The following SH3PXD2B variants were observed in gnomAD, a reference collection of about 807,000 sequenced individuals.
SH3PXD2B encodes SH3 and PX domains 2B, also known as SH3 and PX domain-containing protein 2B.
SH3PXD2B carries 37 observed loss-of-function variants against 73.1 expected under a neutral mutation model. The observed-to-expected ratio is 0.51, with a 90% confidence interval of 0.39 to 0.67. The LOEUF (loss-of-function observed/expected upper bound fraction) is 0.67. SH3PXD2B is among the 30% of genes least tolerant of loss of function. SH3PXD2B has a pLI of 0.00. For missense variants in SH3PXD2B, 1,053 were observed against 1,197.8 expected, an observed-to-expected ratio of 0.88 and a Z score of 1.78; for synonymous variants, 457 against 480.5, an observed-to-expected ratio of 0.95 and a Z score of 0.64.
chr5:172,407,875 G>C (rs1157728743), intron 2 of SH3PXD2B, among the ~76,000 whole-genome samples: 1 of 152,228 alleles, frequency 6.6e-6, no homozygotes, highest in Non-Finnish European at 1.5e-5. Flanking sequence ...GGACCTGACT[G>C]TCCAGGAAAC....
At chr5:172,394,425 T>C in intron 4 of SH3PXD2B, 138 bp downstream of exon 4, 1 of 832,546 alleles carries the variant, frequency 1.2e-6, no homozygotes, top group Non-Finnish European at 2.0e-6. Flanking sequence ...TGAATGATAA[T>C]GAATGATTTT....
chr5:172,376,482 C>A (rs1259608649), intron 5 of SH3PXD2B, among the ~76,000 whole-genome samples: 1 of 152,202 alleles, frequency 6.6e-6, no homozygotes, highest in Non-Finnish European at 1.5e-5. Flanking sequence ...GGAGAAATGT[C>A]TACTCAATGT....
chr5:172,403,440 TAA>T (rs1758479438), intron 3 of SH3PXD2B, among the ~76,000 whole-genome samples: 1 of 152,098 alleles, frequency 6.6e-6, no homozygotes, highest in South Asian at 2.1e-4. Flanking sequence ...GAGGAAAAGC[TAA>T]GAGGTGGCTC....
At chr5:172,407,872 A>C (rs1437623739) in intron 2 of SH3PXD2B, among the ~76,000 whole-genome samples, 1 of 152,218 alleles carries the variant, frequency 6.6e-6, no homozygotes, top group Non-Finnish European at 1.5e-5. Flanking sequence ...GGTGGACCTG[A>C]CTGTCCAGGA....
intron 4 of SH3PXD2B, among the ~76,000 whole-genome samples, chr5:172,391,399 T>A (rs1278783521): frequency 1.3e-5 from 2 of 152,256 alleles, no homozygotes; most frequent in African/African-American, 2.4e-5. Context: ...TTGGTGTATG[T>A]TCAATACAAA....
chr5:172,350,044 G>A (rs1032915121), intron 10 of SH3PXD2B, among the ~76,000 whole-genome samples: 2 of 152,048 alleles, frequency 1.3e-5, no homozygotes, highest in African/African-American at 2.4e-5. Flanking sequence ...TAGTAGAGAC[G>A]GGGTTTCACC....
At chr5:172,454,225 C>A in intron 1 of SH3PXD2B, 53 bp downstream of exon 1, 3 of 1,500,180 alleles carry the variant, frequency 2.0e-6, no homozygotes, top group Middle Eastern at 1.7e-4. Context: ...GGCCCTCGGT[C>A]GCCCCCGACG....
intron 1 of SH3PXD2B, among the ~76,000 whole-genome samples, chr5:172,431,953 G>A (rs1307764014): frequency 6.6e-6 from 1 of 152,138 alleles, no homozygotes; most frequent in Non-Finnish European, 1.5e-5. Flanking sequence ...AAGGTGAGCG[G>A]ATCACCTGAG....
chr5:172,437,797 G>A (rs747154391), intron 1 of SH3PXD2B, among the ~76,000 whole-genome samples: 3 of 152,210 alleles, frequency 2.0e-5, no homozygotes, highest in African/African-American at 7.2e-5. Context: ...TGTCCACAGG[G>A]CACGCAGCGA....
chr5:172,416,734 G>A (rs7724257), intron 2 of SH3PXD2B, among the ~76,000 whole-genome samples: 2,522 of 111,678 alleles, frequency 0.023, 113 homozygotes, highest in African/African-American at 0.086. Context: ...TTTGATATAG[G>A]GTCTTGCTCT....
In SH3PXD2B at chr5:172,409,720, TTTTC is replaced by T. The variant is rs775723983; in HGVS notation, c.157-3372_157-3369del. ...ACATTTTCTTTTTCTTTTTCTTTTC[TTTTC>T]TTTATTTTGAGACAGAATTTCGCTC... On this transcript the variant is annotated intron_variant, in intron 2 of 12. Coordinates refer to ENST00000311601, the MANE Select transcript of SH3PXD2B (RefSeq NM_001017995.3). Among the ~76,000 whole-genome samples the T allele has an allele frequency of 2.6e-5, 4 of 152,222 alleles. No individual in the cohort carries two copies. In the South Asian group the frequency reaches 6.2e-4, roughly 24 times the overall value.
At chr5:172,379,670 C>T (rs1757898826) in intron 5 of SH3PXD2B, among the ~76,000 whole-genome samples, 1 of 152,196 alleles carries the variant, frequency 6.6e-6, no homozygotes, top group African/African-American at 2.4e-5. Context: ...TGAGCCGCCA[C>T]TTCCTGAGCA....
Position 172,338,969 on chromosome 5 carries a change from C to A in SH3PXD2B, c.2136G>T (p.Arg712Ser), listed in dbSNP as rs776263829. The A allele has an allele frequency of 6.2e-7, 1 of 1,614,178 alleles. No homozygotes were observed. Among genetic ancestry groups the A allele is most frequent in the South Asian group, 1.1e-5 (1 of 91,074 alleles). The change falls in exon 13 of 13, where the codon AGG (arginine) becomes AGT (serine). Residue 712 changes from arginine to serine, a missense_variant. Around this residue, in one of 2 missense-constraint regions of SH3PXD2B, gnomAD observed 587 missense variants for 590.7 expected, o/e 0.99. Transcript: ENST00000311601. The surrounding 1 kb of genome is among the most constrained non-coding windows in gnomAD (Gnocchi z 5.1). Reference protein sequence around the residue: ...PGEGPGRAQDRTGKQDGLSPK... With the variant: ...PGEGPGRAQDSTGKQDGLSPK... ...GGCTGAGACCATCCTGTTTGCCCGT[C>A]CTGTCCTGGGCGCGGCCAGGCCCCT...
chr5:172,446,219 C>A (rs951368019), intron 1 of SH3PXD2B, among the ~76,000 whole-genome samples: 1 of 152,208 alleles, frequency 6.6e-6, no homozygotes, highest in African/African-American at 2.4e-5. Flanking sequence ...CAACAAAGCC[C>A]CCTACTGCCC....
In SH3PXD2B at chr5:172,422,506, C is replaced by G. The variant is rs1474247036; in HGVS notation, c.76-10G>C. The G allele has an allele frequency of 6.2e-7, 1 of 1,609,460 alleles. No individual in the cohort carries two copies. The highest frequency in any genetic ancestry group is 1.7e-5 in the Admixed American group (1 of 59,638). ...CCCGGATGATGTAGACCTGCGGGAG[C>G]AACAGAGGAGATGGGTGTTAACACC... On this transcript the variant is annotated splice_polypyrimidine_tract_variant and intron_variant, in intron 1 of 12. Coordinates refer to ENST00000311601, the MANE Select transcript of SH3PXD2B (RefSeq NM_001017995.3).
chr5:172,434,326 G>A (rs1437893554), intron 1 of SH3PXD2B, among the ~76,000 whole-genome samples: 2 of 152,108 alleles, frequency 1.3e-5, no homozygotes, highest in Admixed American at 6.5e-5. Flanking sequence ...ACAGGGCCAG[G>A]CTATAAACAG....
chr5:172,453,898 A>G (rs1016621565), intron 1 of SH3PXD2B, among the ~76,000 whole-genome samples: 1 of 152,180 alleles, frequency 6.6e-6, no homozygotes, highest in Admixed American at 6.5e-5. Flanking sequence ...GGGCGGCCTG[A>G]GAACAGGCAC....
downstream of SH3PXD2B, among the ~76,000 whole-genome samples, chr5:172,331,975 T>G (rs1343822648): frequency 6.6e-6 from 1 of 151,892 alleles, no homozygotes; most frequent in African/African-American, 2.4e-5. Context: ...AAAAACAATA[T>G]GATAGGGAAT....
intron 12 of SH3PXD2B, among the ~76,000 whole-genome samples, chr5:172,341,761 C>T (rs1305121081): frequency 6.6e-6 from 1 of 152,202 alleles, no homozygotes; most frequent in East Asian, 1.9e-4. Flanking sequence ...CGCCATTCTC[C>T]TGCCTCAGCC....
Sources: gnomAD v4.1 joint callset for allele counts (sites outside exome capture counted in the v4.1 genomes callset) on GRCh38, gnomAD v4.1.1 for gene constraint, gnomAD v4.1.1 regional missense constraint, Gnocchi (gnomAD v3.1) non-coding constraint, MANE v1.5 for transcripts, NCBI Gene and HGNC (gene_info 2026-07-23, HGNC 2026-07-21) for gene names.